Variants in ATP2B2 observed in about 807,000 individuals in gnomAD.
ATP2B2 encodes the protein ATPase plasma membrane Ca2+ transporting 2.
In ATP2B2, 15 loss-of-function variants were observed where a neutral mutation model predicts 120.0. That is an observed-to-expected ratio of 0.12 (90% CI 0.08 to 0.19). The LOEUF (loss-of-function observed/expected upper bound fraction) is 0.19, where lower values mean the gene tolerates loss of function less well. ATP2B2 is among the 10% of genes least tolerant of loss of function. The pLI is 1.00. For missense variants in ATP2B2, 1,045 were observed against 1,719.8 expected, an observed-to-expected ratio of 0.61 and a Z score of 6.94; for synonymous variants, 694 against 700.3, an observed-to-expected ratio of 0.99 and a Z score of 0.14.
chr3:10,530,166 G>A (rs759933558), intron 3 of ATP2B2, among the ~76,000 whole-genome samples: 2 of 152,172 alleles, frequency 1.3e-5, no homozygotes, highest in African/African-American at 2.4e-5. Flanking sequence ...CAGCAAAGGC[G>A]CCTGAGGTCC....
At chr3:10,567,970 G>C (rs75736770) in intron 2 of ATP2B2, among the ~76,000 whole-genome samples, 2,621 of 152,324 alleles carry the variant, frequency 0.017, 33 homozygotes, top group Non-Finnish European at 0.03. Context: ...TTCTGAGAAG[G>C]GCTAAGACAG....
At chr3:10,470,597 T>C (rs1010151530) in intron 1 of ATP2B2, among the ~76,000 whole-genome samples, 9 of 152,030 alleles carry the variant, frequency 5.9e-5, no homozygotes, top group African/African-American at 1.9e-4. Context: ...AGCTAAGCAA[T>C]AGGTGAGGAT....
intron 1 of ATP2B2, among the ~76,000 whole-genome samples, chr3:10,645,394 T>A (rs1179691394): frequency 8.5e-5 from 13 of 152,186 alleles, no homozygotes; most frequent in Admixed American, 8.5e-4. Context: ...ATTTTGATCA[T>A]TTCACAGGGC....
intron 1 of ATP2B2, among the ~76,000 whole-genome samples, chr3:10,634,722 G>A (rs879595): frequency 0.74 from 111,925 of 152,160 alleles, 41,881 homozygotes; most frequent in African/African-American, 0.88. Flanking sequence ...ACAGAAGAGT[G>A]CATGAATGCC....
intron 2 of ATP2B2, among the ~76,000 whole-genome samples, chr3:10,436,356 T>C (rs2063479812): frequency 6.6e-6 from 1 of 152,256 alleles, no homozygotes; most frequent in Admixed American, 6.5e-5. Context: ...AAATACCGTA[T>C]AATGGTGTGC....
intron 3 of ATP2B2, among the ~76,000 whole-genome samples, chr3:10,511,730 C>T (rs1262016115): frequency 2.0e-5 from 3 of 152,172 alleles, no homozygotes; most frequent in Non-Finnish European, 4.4e-5. Context: ...AAGGAGAGCC[C>T]CTATTCCTAA....
chr3:10,438,690 T>G (rs1008605856), intron 2 of ATP2B2, among the ~76,000 whole-genome samples: 8 of 152,186 alleles, frequency 5.3e-5, no homozygotes, highest in Non-Finnish European at 1.0e-4. Context: ...ATAAATAACT[T>G]ACCCGCCCTG....
At chr3:10,674,054 T>C (rs775160144) in intron 1 of ATP2B2, among the ~76,000 whole-genome samples, 1 of 151,728 alleles carries the variant, frequency 6.6e-6, no homozygotes, top group Non-Finnish European at 1.5e-5. Context: ...TTCAAATCCC[T>C]GCTGTCCTTC....
Position 10,385,345 on chromosome 3 carries a change from G to C in ATP2B2, c.941-18C>G, listed in dbSNP as rs750491282. ...GTCTGCTGCTGCAGGGGGGTGGGAG[G>C]GATGGAAAATGCAGTGTCACAATGG... is the stretch of plus-strand genomic sequence containing the variant. On this transcript the variant is annotated intron_variant, in intron 7 of 22. Coordinates refer to ENST00000360273, the MANE Select transcript of ATP2B2 (RefSeq NM_001001331.4). 7 of 1,612,202 alleles carry C rather than the reference G, an allele frequency of 4.3e-6. No homozygotes were observed. Among genetic ancestry groups the C allele is most frequent in the Non-Finnish European group, 5.9e-6 (7 of 1,179,218 alleles).
At chr3:10,443,146 T>A (rs893935216) in intron 2 of ATP2B2, among the ~76,000 whole-genome samples, 1 of 152,172 alleles carries the variant, frequency 6.6e-6, no homozygotes, top group Admixed American at 6.5e-5. Context: ...ATATTTCAGG[T>A]GGTTCTGAAT....
At chr3:10,659,304 T>C (rs1375233295) in intron 1 of ATP2B2, among the ~76,000 whole-genome samples, 1 of 152,192 alleles carries the variant, frequency 6.6e-6, no homozygotes, top group African/African-American at 2.4e-5. Flanking sequence ...ACTGGCAAAT[T>C]GGATAAAGAG....
intron 2 of ATP2B2, among the ~76,000 whole-genome samples, chr3:10,603,414 C>T (rs572325426): frequency 6.6e-6 from 1 of 152,276 alleles, no homozygotes; most frequent in South Asian, 2.1e-4. Context: ...GTCTTAAAAT[C>T]GCTTTAAAAA....
intron 8 of ATP2B2, among the ~76,000 whole-genome samples, chr3:10,382,461 C>T (rs1332009666): frequency 1.3e-5 from 2 of 151,926 alleles, no homozygotes; most frequent in African/African-American, 4.8e-5. Context: ...ATTCTCCTGC[C>T]TCATCCTCCT....
chr3:10,567,946 CA>C (rs1315704286), intron 2 of ATP2B2, among the ~76,000 whole-genome samples: 2 of 152,180 alleles, frequency 1.3e-5, no homozygotes, highest in Non-Finnish European at 2.9e-5. Flanking sequence ...GTGAAGGTGG[CA>C]GCATTGACTG....
intron 1 of ATP2B2, among the ~76,000 whole-genome samples, chr3:10,650,545 C>T (rs925693140): frequency 1.3e-5 from 2 of 152,162 alleles, no homozygotes; most frequent in Non-Finnish European, 2.9e-5. Context: ...AAGCCAGCGG[C>T]AGAAATTTGC....
At chr3:10,587,801 G>C (rs79287535) in intron 2 of ATP2B2, among the ~76,000 whole-genome samples, 18,540 of 152,142 alleles carry the variant, frequency 0.12, 1,488 homozygotes, top group East Asian at 0.3. Context: ...CTCTTAGTGC[G>C]TAGAAACAAG....
intron 1 of ATP2B2, among the ~76,000 whole-genome samples, chr3:10,684,658 C>T (rs989456997): frequency 1.3e-5 from 2 of 152,186 alleles, no homozygotes; most frequent in African/African-American, 2.4e-5. Flanking sequence ...GCAATGGGAC[C>T]TAAGCTCTGA....
Position 10,350,012 on chromosome 3 carries a change from C to T in ATP2B2, c.2404+100G>A, listed in dbSNP as rs539211190. ...GTGTGGAGAGTCAGGGGCGAGGGGC[C>T]CTTCCCTTCTGGGAAGAAGCTGCAA... On this transcript the variant is annotated intron_variant, in intron 16 of 22. Coordinates refer to ENST00000360273, the MANE Select transcript of ATP2B2 (RefSeq NM_001001331.4). 1.0e-3 allele frequency: 1,263 copies of T among 1,237,012 alleles called. 13 individuals are homozygous for T. The South Asian group carries it at 0.016, about 15-fold the overall frequency. 76.6% of individuals were successfully genotyped at this position (1,237,012 alleles called of 1,614,324 possible). A position where few individuals can be genotyped will look rare whatever the true frequency, so the allele number is the denominator to read the frequency against.
intron 1 of ATP2B2, among the ~76,000 whole-genome samples, chr3:10,695,978 C>G (rs1014628130): frequency 6.6e-6 from 1 of 152,088 alleles, no homozygotes; most frequent in Non-Finnish European, 1.5e-5. Context: ...ACATAAGTTC[C>G]CCACCTCAAT....
Sources: allele counts gnomAD v4.1 joint callset (sites outside exome capture counted in the v4.1 genomes callset), GRCh38; gene constraint gnomAD v4.1.1; transcripts MANE v1.5; gene names NCBI Gene and HGNC (gene_info 2026-07-23, HGNC 2026-07-21).